The following PTPRG variants were observed in gnomAD, a reference collection of about 807,000 sequenced individuals.
The protein encoded by PTPRG is receptor-type tyrosine-protein phosphatase gamma.
In PTPRG, 102 loss-of-function variants were observed where a neutral mutation model predicts 165.3. That is an observed-to-expected ratio of 0.62 (90% CI 0.53 to 0.73). The LOEUF (loss-of-function observed/expected upper bound fraction) is 0.73, where lower values mean the gene tolerates loss of function less well. Among genes scored for constraint, PTPRG ranks in the 30% least tolerant of loss-of-function variants. The probability of loss-of-function intolerance (pLI) is 0.00; values close to 1 mark genes in which losing one functional copy is unlikely to be tolerated. For missense variants in PTPRG, 1,866 were observed against 1,861.4 expected, an observed-to-expected ratio of 1.00 and a Z score of -0.05; for synonymous variants, 675 against 669.5, an observed-to-expected ratio of 1.01 and a Z score of -0.13.
chr3:62,271,507 C>A lies in PTPRG; in HGVS notation c.3134C>A (p.Ser1045Tyr). ...CCAGTACTGACTTTCGTGAGGAGAT[C>A]CTCAGCAGCTCGGATGCCAGAAACG... is the stretch of plus-strand genomic sequence containing the variant. ...ALPVLTFVRR[S>Y]SAARMPETGP... Residue 1045 changes from serine to tyrosine, a missense_variant, in exon 21 of 30, where the codon TCC becomes TAC. This residue lies in a region of PTPRG where 1,452 missense variants were observed against 1,463.0 expected (regional missense o/e 0.99). Transcript: ENST00000474889. This position sits in a 1 kb window ranked among gnomAD's most constrained non-coding sequence, Gnocchi z 4.1. The A allele has an allele frequency of 1.2e-6, 2 of 1,613,926 alleles. No homozygotes were observed. Among genetic ancestry groups the A allele is most frequent in the Non-Finnish European group, 1.7e-6 (2 of 1,179,852 alleles).
At chr3:62,055,835 T>C (rs1700615116) in intron 4 of PTPRG, among the ~76,000 whole-genome samples, 1 of 152,234 alleles carries the variant, frequency 6.6e-6, no homozygotes, top group Non-Finnish European at 1.5e-5. Context: ...AACATAGTCA[T>C]ATTGGATTGG....
At chr3:62,291,823 CTT>C (rs1174904736) in intron 28 of PTPRG, among the ~76,000 whole-genome samples, 1 of 152,088 alleles carries the variant, frequency 6.6e-6, no homozygotes, top group African/African-American at 2.4e-5. Flanking sequence ...CTTTCTAAGA[CTT>C]TTTTGTGAGG....
At chr3:61,615,367 C>G (rs1356379291) in intron 1 of PTPRG, among the ~76,000 whole-genome samples, 5 of 152,228 alleles carry the variant, frequency 3.3e-5, no homozygotes, top group African/African-American at 9.6e-5. Context: ...TTTAGCTAGA[C>G]TGTCACTCAG....
chr3:61,742,958 C>A (rs1295428176), intron 1 of PTPRG: 2 of 1,489,064 alleles, frequency 1.3e-6, no homozygotes, highest in African/African-American at 2.8e-5. Context: ...CTGACGGTGC[C>A]CGAGAAGCAC....
At chr3:62,161,349 A>G (rs1393651713) in intron 7 of PTPRG, among the ~76,000 whole-genome samples, 1 of 152,220 alleles carries the variant, frequency 6.6e-6, no homozygotes, top group Non-Finnish European at 1.5e-5. Flanking sequence ...AAAAAATGTA[A>G]AGAGAAACAA....
In PTPRG at chr3:61,562,097, T is replaced by C; in HGVS notation, c.-191T>C. 1 of 565,458 alleles carries C rather than the reference T, an allele frequency of 1.8e-6. No individual in the cohort carries two copies. The highest frequency in any genetic ancestry group is 2.1e-5 in the South Asian group (1 of 48,360). 35.0% of individuals were successfully genotyped at this position (565,458 alleles called of 1,614,324 possible). On this transcript the variant is annotated 5_prime_UTR_variant, in exon 1 of 30. Coordinates refer to ENST00000474889, the MANE Select transcript of PTPRG (RefSeq NM_002841.4). ...GCGTGGCTCTGCGTTCCCGGTCACT[T>C]TTTGAGATTTTCCGGGGGGCGCTCG...
At chr3:61,955,982 AT>A (rs1484173576) in intron 2 of PTPRG, among the ~76,000 whole-genome samples, 1 of 152,128 alleles carries the variant, frequency 6.6e-6, no homozygotes, top group Admixed American at 6.6e-5. Context: ...CAGAATCTCA[AT>A]TTCAGAGATA....
chr3:62,056,542 T>C (rs185508757), intron 4 of PTPRG, among the ~76,000 whole-genome samples: 11 of 152,346 alleles, frequency 7.2e-5, no homozygotes, highest in Non-Finnish European at 1.5e-4. Context: ...CAAAACATTG[T>C]ATCTCAACCT....
chr3:61,715,084 G>A (rs945361544), intron 1 of PTPRG, among the ~76,000 whole-genome samples: 6 of 152,122 alleles, frequency 3.9e-5, no homozygotes, highest in Admixed American at 3.9e-4. Flanking sequence ...GCTGGGAAGT[G>A]AGTGCTAGAG....
intron 14 of PTPRG, 116 bp from the exon 15 acceptor site, chr3:62,243,691 C>T (rs1365028073): frequency 3.2e-6 from 2 of 618,584 alleles, no homozygotes; most frequent in Non-Finnish European, 2.7e-6. Flanking sequence ...CATGAGTTTA[C>T]CCTCAGTGCT....
At chr3:62,283,964 C>T (rs994524262) in intron 28 of PTPRG, among the ~76,000 whole-genome samples, 41 of 152,008 alleles carry the variant, frequency 2.7e-4, no homozygotes, top group Non-Finnish European at 5.9e-5. Context: ...ATGTGACAAC[C>T]ATCAACAGTG....
intron 27 of PTPRG, among the ~76,000 whole-genome samples, chr3:62,282,182 T>C (rs1333971727): frequency 6.6e-6 from 1 of 152,030 alleles, no homozygotes; most frequent in African/African-American, 2.4e-5. Context: ...AGGTCTTTAA[T>C]AATTTATTGT....
chr3:61,779,152 T>C (rs1005370265), intron 2 of PTPRG, among the ~76,000 whole-genome samples: 2 of 152,228 alleles, frequency 1.3e-5, no homozygotes, highest in African/African-American at 4.8e-5. Flanking sequence ...TGGTCAGTCA[T>C]GTTGCTCTTT....
At chr3:62,090,742 T>C (rs1159757762) in intron 5 of PTPRG, among the ~76,000 whole-genome samples, 1 of 152,216 alleles carries the variant, frequency 6.6e-6, no homozygotes, top group Non-Finnish European at 1.5e-5. Flanking sequence ...ATGTGCGTTA[T>C]CCCATTTCAT....
At chr3:61,969,387 G>A (rs915091084) in intron 2 of PTPRG, among the ~76,000 whole-genome samples, 1 of 152,182 alleles carries the variant, frequency 6.6e-6, no homozygotes, top group Non-Finnish European at 1.5e-5. Flanking sequence ...CAAATAATTT[G>A]TGAATGAATT....
intron 2 of PTPRG, among the ~76,000 whole-genome samples, chr3:61,981,999 A>AACTAG (rs2040653419): frequency 1.3e-5 from 2 of 152,178 alleles, no homozygotes; most frequent in Non-Finnish European, 2.9e-5. Context: ...GTTAGCCTTG[A>AACTAG]ACTAGAACTC....
At chr3:62,036,179 G>A (rs910319730) in intron 4 of PTPRG, among the ~76,000 whole-genome samples, 1 of 152,176 alleles carries the variant, frequency 6.6e-6, no homozygotes, top group African/African-American at 2.4e-5. Context: ...TAGGTTAAGG[G>A]AAATAAGCTG....
intron 2 of PTPRG, among the ~76,000 whole-genome samples, chr3:61,915,555 A>T (rs377200672): frequency 1.3e-5 from 2 of 152,318 alleles, no homozygotes; most frequent in Admixed American, 6.5e-5. Flanking sequence ...TCATCTTATT[A>T]TTCTTTGGCC....
chr3:61,738,551 CTT>C (rs1310055558), intron 1 of PTPRG, among the ~76,000 whole-genome samples: 7 of 140,246 alleles, frequency 5.0e-5, no homozygotes, highest in Admixed American at 7.2e-5. Context: ...GATGAATCTG[CTT>C]TTTTTTTTTT....
Sources: allele counts gnomAD v4.1 joint callset (sites outside exome capture counted in the v4.1 genomes callset), GRCh38; gene constraint gnomAD v4.1.1; regional missense constraint gnomAD v4.1.1; non-coding constraint Gnocchi (gnomAD v3.1); transcripts MANE v1.5; gene names NCBI Gene and HGNC (gene_info 2026-07-23, HGNC 2026-07-21).